Variants in PLSCR4 observed in about 807,000 individuals in gnomAD.
PLSCR4 encodes Ca(2+)-dependent phospholipid scramblase 4.
PLSCR4 carries 25 observed loss-of-function variants against 36.3 expected under a neutral mutation model. The observed-to-expected ratio is 0.69, with a 90% CI of 0.50 to 0.96. PLSCR4 has a LOEUF of 0.96. PLSCR4 is among the 40% of genes least tolerant of loss of function. The probability of loss-of-function intolerance (pLI) is 0.00; values close to 1 mark genes in which losing one functional copy is unlikely to be tolerated. For missense variants in PLSCR4, 408 were observed against 414.7 expected (o/e 0.98, Z 0.14); for synonymous variants, 122 against 132.9 (o/e 0.92, Z 0.56).
Position 146,243,365 on chromosome 3 carries a change from TAGAA to T in PLSCR4, c.-22+7591_-22+7594del, listed in dbSNP as rs577125698. Among the ~76,000 whole-genome samples, 869 of 152,010 alleles carry T rather than the reference TAGAA, an allele frequency of 5.7e-3. 3 individuals carry two copies. The highest frequency in any genetic ancestry group is 1.0e-2 in the Non-Finnish European group (679 of 67,930). On this transcript the variant is annotated intron_variant, in intron 1 of 8. Transcript: ENST00000354952. The stretch of plus-strand genomic sequence containing the variant: ...CCAAAACTCTTGAAAAACAAAAAAA[TAGAA>T]AGCAAAACAAAAACTGTGTTGTCAT...
chr3:146,250,408 C>T (rs1034441088), intron 1 of PLSCR4: 1 of 152,100 alleles, frequency 6.6e-6, no homozygotes, highest in Admixed American at 6.5e-5. Flanking sequence ...AATCCTAAGT[C>T]TTTAAATATG....
chr3:146,211,195 T>G (rs1276595490), intron 3 of PLSCR4, among the ~76,000 whole-genome samples: 2 of 152,130 alleles, frequency 1.3e-5, no homozygotes, highest in South Asian at 2.1e-4. Context: ...TTCTACTTTC[T>G]CCACATCCTC....
intron 6 of PLSCR4, among the ~76,000 whole-genome samples, chr3:146,198,663 T>A (rs1366580918): frequency 1.3e-5 from 2 of 152,096 alleles, no homozygotes; most frequent in African/African-American, 4.8e-5. Flanking sequence ...CACCTCAGCC[T>A]CTCAAAGTGT....
intron 1 of PLSCR4, among the ~76,000 whole-genome samples, chr3:146,235,842 T>C (rs1230239580): frequency 2.0e-5 from 3 of 152,118 alleles, no homozygotes; most frequent in Non-Finnish European, 2.9e-5. Context: ...GTACTTCTGT[T>C]CCTTAACAAA....
At chr3:146,211,503 T>G (rs1483838924) in intron 3 of PLSCR4, among the ~76,000 whole-genome samples, 1 of 152,150 alleles carries the variant, frequency 6.6e-6, no homozygotes, top group Non-Finnish European at 1.5e-5. Flanking sequence ...TAGGTTGTCT[T>G]TTCTCTTTGA....
chr3:146,230,751 TAAG>T (rs1465893215), intron 1 of PLSCR4, among the ~76,000 whole-genome samples: 1 of 152,104 alleles, frequency 6.6e-6, no homozygotes, highest in East Asian at 1.9e-4. Flanking sequence ...TTTAAAGAGG[TAAG>T]AACCTTAAAG....
intron 1 of PLSCR4, among the ~76,000 whole-genome samples, chr3:146,248,489 GACACACAC>G (rs146267394): frequency 6.7e-6 from 1 of 149,368 alleles, no homozygotes; most frequent in Admixed American, 6.7e-5. Flanking sequence ...CACACACACA[GACACACAC>G]ACACACACAC....
At chr3:146,247,289 T>C (rs1376425993) in intron 1 of PLSCR4, among the ~76,000 whole-genome samples, 2 of 152,148 alleles carry the variant, frequency 1.3e-5, no homozygotes, top group Non-Finnish European at 2.9e-5. Flanking sequence ...TTAAAGATAC[T>C]ATCAAACTGC....
Position 146,195,172 on chromosome 3 carries a change from G to A in PLSCR4, c.897C>T (p.Asp299=). The change falls in exon 8 of 9, where the codon GAC becomes GAT. Residue 299 remains aspartate, a synonymous_variant. Coordinates refer to ENST00000354952, the MANE Select transcript of PLSCR4 (RefSeq NM_020353.3). The part of the protein sequence containing the change: ...ADHFDIHFPL[D]LDVKMKAMIF... ...TCATGGCTTTCATCTTCACATCCAG[G>A]TCTAGTGGGAAGTGAATGTCAAAAT... is the stretch of plus-strand genomic sequence containing the variant. 3 of 1,613,744 alleles carry A rather than the reference G, an allele frequency of 1.9e-6. No homozygotes were observed. The highest frequency in any genetic ancestry group is 2.5e-6 in the Non-Finnish European group (3 of 1,179,722).
At chr3:146,250,468 C>T (rs1467751264) in intron 1 of PLSCR4, 1 of 152,110 alleles carries the variant, frequency 6.6e-6, no homozygotes, top group Non-Finnish European at 1.5e-5. Context: ...CCCAGTTTGC[C>T]AGAATTGGAA....
At chr3:146,248,840 C>T (rs1258945750) in intron 1 of PLSCR4, among the ~76,000 whole-genome samples, 1 of 152,162 alleles carries the variant, frequency 6.6e-6, no homozygotes, top group Non-Finnish European at 1.5e-5. Context: ...CACATTTCCA[C>T]TAAAAGTTTG....
At chr3:146,238,333 T>G (rs933737830) in intron 1 of PLSCR4, among the ~76,000 whole-genome samples, 2 of 151,846 alleles carry the variant, frequency 1.3e-5, no homozygotes, top group African/African-American at 4.8e-5. Flanking sequence ...TATATCAAAA[T>G]TAGGTAAAGA....
At chr3:146,215,339 CTA>C (rs2034841105) in intron 3 of PLSCR4, among the ~76,000 whole-genome samples, 1 of 151,764 alleles carries the variant, frequency 6.6e-6, no homozygotes, top group South Asian at 2.1e-4. Flanking sequence ...GTATTATTCA[CTA>C]TGTGTTATAT....
intron 1 of PLSCR4, among the ~76,000 whole-genome samples, chr3:146,230,005 T>C (rs2035643187): frequency 1.3e-5 from 2 of 152,160 alleles, no homozygotes; most frequent in Non-Finnish European, 2.9e-5. Context: ...GAAATGATCA[T>C]ACCTGAGGGG....
intron 8 of PLSCR4, among the ~76,000 whole-genome samples, chr3:146,194,770 G>A (rs2033623103): frequency 6.6e-6 from 1 of 152,112 alleles, no homozygotes; most frequent in East Asian, 1.9e-4. Flanking sequence ...CCACTTTAGA[G>A]TTATTTCACT....
chr3:146,192,730 A>G lies in PLSCR4; in HGVS notation c.*1681T>C, dbSNP rs1215706378. On this transcript the variant is annotated 3_prime_UTR_variant, in exon 9 of 9. Transcript: ENST00000354952. ...TCCTATTTAAATATCAGACATCATT[A>G]TAGGAAATACATAGTCTACTTACGA... 2.0e-5 allele frequency: 3 copies of G among 152,016 alleles called. No individual in the cohort carries two copies. The East Asian group carries it at 5.8e-4, about 29-fold the overall frequency. The allele number at this position is 152,016 out of a possible 1,614,324, so 9.4% of individuals were successfully genotyped here.
At chr3:146,214,117 CT>C (rs1300325064) in intron 3 of PLSCR4, among the ~76,000 whole-genome samples, 15 of 55,804 alleles carry the variant, frequency 2.7e-4, no homozygotes, top group African/African-American at 4.6e-4. Context: ...TGATATCTTC[CT>C]TTTTTTTTTT....
At chr3:146,233,007 TACC>T (rs1229180718) in intron 1 of PLSCR4, among the ~76,000 whole-genome samples, 1 of 151,858 alleles carries the variant, frequency 6.6e-6, no homozygotes, top group Non-Finnish European at 1.5e-5. Flanking sequence ...GATGATGATG[TACC>T]ACAAGACTGA....
chr3:146,238,299 C>T (rs2036001114), intron 1 of PLSCR4, among the ~76,000 whole-genome samples: 1 of 151,348 alleles, frequency 6.6e-6, no homozygotes, highest in East Asian at 1.9e-4. Flanking sequence ...TCTTCTAAAA[C>T]TTATTTTATT....
Sources: gnomAD v4.1 joint callset for allele counts (sites outside exome capture counted in the v4.1 genomes callset) on GRCh38, gnomAD v4.1.1 for gene constraint, MANE v1.5 for transcripts, NCBI Gene and HGNC (gene_info 2026-07-23, HGNC 2026-07-21) for gene names.